Variants in RGS7 observed in about 807,000 individuals in gnomAD.
RGS7 encodes the protein regulator of G protein signaling 7, also known as regulator of G-protein signaling 7.
Under a neutral mutation model 81.1 loss-of-function variants are expected in RGS7, and 27 were observed. The ratio of observed to expected loss-of-function variants is 0.33; its 90% CI spans 0.25 to 0.46. The LOEUF is 0.46. Among genes scored for constraint, RGS7 ranks in the 20% least tolerant of loss-of-function variants. The probability of loss-of-function intolerance (pLI) is 1.00; values close to 1 mark genes in which losing one functional copy is unlikely to be tolerated. For synonymous variants in RGS7, 208 were observed against 207.7 expected, an observed-to-expected ratio of 1.00 and a Z score of -0.01; for missense variants, 396 against 607.4, an observed-to-expected ratio of 0.65 and a Z score of 3.66.
intron 9 of RGS7, among the ~76,000 whole-genome samples, chr1:240,863,722 G>C (rs1662686356): frequency 6.6e-6 from 1 of 151,784 alleles, no homozygotes; most frequent in African/African-American, 2.4e-5. Flanking sequence ...CCTGAACTCT[G>C]GACTTTTAAA....
At chr1:241,226,033 G>T (rs2148026873) in intron 2 of RGS7, among the ~76,000 whole-genome samples, 1 of 152,236 alleles carries the variant, frequency 6.6e-6, no homozygotes, top group East Asian at 1.9e-4. Flanking sequence ...AATCAAGAGG[G>T]CACTGCTGCA....
intron 2 of RGS7, among the ~76,000 whole-genome samples, chr1:241,206,101 C>T (rs1003423388): frequency 3.9e-5 from 6 of 152,058 alleles, no homozygotes; most frequent in African/African-American, 1.4e-4. Flanking sequence ...TAGGCATCCC[C>T]ATTATAATCA....
intron 4 of RGS7, among the ~76,000 whole-genome samples, chr1:240,965,170 T>C (rs931334379): frequency 6.6e-6 from 1 of 152,226 alleles, no homozygotes; most frequent in Non-Finnish European, 1.5e-5. Flanking sequence ...AACTGTTTAA[T>C]GATGTCACTG....
intron 2 of RGS7, among the ~76,000 whole-genome samples, chr1:241,124,473 T>C (rs1342669620): frequency 6.6e-6 from 1 of 152,180 alleles, no homozygotes; most frequent in African/African-American, 2.4e-5. Flanking sequence ...TATAAAAGCA[T>C]TGGTCAACAG....
chr1:241,319,125 G>A (rs2081061937), intron 2 of RGS7, among the ~76,000 whole-genome samples: 2 of 152,220 alleles, frequency 1.3e-5, no homozygotes, highest in African/African-American at 4.8e-5. Flanking sequence ...TTACCCTCTG[G>A]ACACTGTAGT....
At chr1:241,247,911 G>C (rs1413035299) in intron 2 of RGS7, among the ~76,000 whole-genome samples, 1 of 152,136 alleles carries the variant, frequency 6.6e-6, no homozygotes, top group Non-Finnish European at 1.5e-5. Context: ...TGCAGTAATT[G>C]GATGATGTAA....
chr1:240,952,238 T>C (rs1047393511), intron 4 of RGS7, among the ~76,000 whole-genome samples: 2 of 152,128 alleles, frequency 1.3e-5, no homozygotes, highest in Admixed American at 1.3e-4. Context: ...CAAAATCTCT[T>C]ATTTTTCTTA....
intron 2 of RGS7, among the ~76,000 whole-genome samples, chr1:241,252,483 A>T (rs1391401793): frequency 6.6e-6 from 1 of 152,160 alleles, no homozygotes; most frequent in Non-Finnish European, 1.5e-5. Context: ...TGCAACAAAT[A>T]CATGTGGTTT....
intron 2 of RGS7, among the ~76,000 whole-genome samples, chr1:241,173,655 T>C (rs544779641): frequency 2.4e-4 from 37 of 152,224 alleles, no homozygotes; most frequent in African/African-American, 8.9e-4. Context: ...GTGCTGTGTG[T>C]CTGTAGTCCC....
chr1:240,828,496 T>TAAA (rs1224654566), intron 9 of RGS7, among the ~76,000 whole-genome samples: 1 of 152,086 alleles, frequency 6.6e-6, no homozygotes, highest in Admixed American at 6.5e-5. Context: ...CTGGTATTAG[T>TAAA]AAAAAACATC....
At chr1:241,348,290 C>A (rs1240299741) in intron 2 of RGS7, among the ~76,000 whole-genome samples, 1 of 152,170 alleles carries the variant, frequency 6.6e-6, no homozygotes, top group Non-Finnish European at 1.5e-5. Context: ...CAGATATGAA[C>A]AGAACGACCA....
At chr1:241,299,935 C>CAAAA (rs35939099) in intron 2 of RGS7, among the ~76,000 whole-genome samples, 145 of 57,906 alleles carry the variant, frequency 2.5e-3, no homozygotes, top group Non-Finnish European at 3.3e-3. Context: ...CTCGTTTCTC[C>CAAAA]AAAAAAAAAA....
chr1:241,130,944 A>AAAAAAAAAAAAAAAAAAAC (rs1491202997), intron 2 of RGS7, among the ~76,000 whole-genome samples: 3 of 150,132 alleles, frequency 2.0e-5, no homozygotes, highest in African/African-American at 7.6e-5. Flanking sequence ...AAAAAAAAAA[A>AAAAAAAAAAAAAAAAAAAC]ACCAAGAGGC....
At chr1:240,870,215 T>TC in intron 6 of RGS7, 96 bp from the exon 7 acceptor site, 4 of 1,017,376 alleles carry the variant, frequency 3.9e-6, no homozygotes, top group Non-Finnish European at 6.2e-6. Flanking sequence ...TGCACTTTTT[T>TC]CCCAAGTTGT....
chr1:240,968,149 G>A (rs1339367751), intron 4 of RGS7, among the ~76,000 whole-genome samples: 1 of 152,150 alleles, frequency 6.6e-6, no homozygotes, highest in Admixed American at 6.5e-5. Context: ...CACACAGGAA[G>A]CCCATGACTA....
chr1:241,153,305 T>G (rs1290233351), intron 2 of RGS7, among the ~76,000 whole-genome samples: 10 of 152,244 alleles, frequency 6.6e-5, no homozygotes, highest in Non-Finnish European at 1.2e-4. Flanking sequence ...CCAAATGCAC[T>G]GCCTTCAAGC....
intron 3 of RGS7, among the ~76,000 whole-genome samples, chr1:240,985,249 C>T (rs1685484613): frequency 6.6e-6 from 1 of 152,238 alleles, no homozygotes; most frequent in South Asian, 2.1e-4. Context: ...GCACCCTGCT[C>T]ATTTTTCAGA....
chr1:240,990,071 G>A (rs572000940), intron 3 of RGS7, among the ~76,000 whole-genome samples: 38 of 152,324 alleles, frequency 2.5e-4, no homozygotes, highest in African/African-American at 7.5e-4. Flanking sequence ...TTAGTCCTAA[G>A]TCTTAATTCC....
At chr1:241,200,544 C>T (rs1353721005) in intron 2 of RGS7, among the ~76,000 whole-genome samples, 4 of 152,146 alleles carry the variant, frequency 2.6e-5, no homozygotes, top group Non-Finnish European at 5.9e-5. Flanking sequence ...TAAATTAGCT[C>T]CTTCCCTACA....
Sources: gnomAD v4.1 joint callset for allele counts (sites outside exome capture counted in the v4.1 genomes callset) on GRCh38, gnomAD v4.1.1 for gene constraint, MANE v1.5 for transcripts, NCBI Gene and HGNC (gene_info 2026-07-23, HGNC 2026-07-21) for gene names.